The following SYT1 variants were observed in gnomAD, a reference collection of about 807,000 sequenced individuals.
SYT1 encodes the protein synaptotagmin 1.
In SYT1, 8 loss-of-function variants were observed where a neutral mutation model predicts 44.8. The ratio of observed to expected loss-of-function variants is 0.18; its 90% CI spans 0.10 to 0.32. The LOEUF is 0.32. Among genes scored for constraint, SYT1 ranks in the 10% least tolerant of loss-of-function variants. The pLI is 1.00. For missense variants in SYT1, 286 were observed against 509.3 expected, an observed-to-expected ratio of 0.56 and a Z score of 4.22; for synonymous variants, 154 against 188.8, an observed-to-expected ratio of 0.82 and a Z score of 1.51.
intron 4 of SYT1, among the ~76,000 whole-genome samples, chr12:79,268,788 A>G (rs551443561): frequency 7.1e-4 from 108 of 152,340 alleles, no homozygotes; most frequent in African/African-American, 2.5e-3. Context: ...CTACAAGGAA[A>G]CATCTTTTCA....
chr12:79,001,974 G>T (rs1307674104), intron 2 of SYT1, among the ~76,000 whole-genome samples: 1 of 151,646 alleles, frequency 6.6e-6, no homozygotes, highest in Non-Finnish European at 1.5e-5. Context: ...TTTTGCTTTT[G>T]GTGATTTCAG....
chr12:79,063,292 G>A lies in SYT1; in HGVS notation c.-18+15930G>A, dbSNP rs2137854378. On this transcript the variant is annotated intron_variant, in intron 3 of 10. Transcript: ENST00000261205. ...TTCTATTTTATCAGGGGAGAAGGCA[G>A]CTGGAGAACTTGTCTGTTGATGCCC... Among the ~76,000 whole-genome samples the A allele has an allele frequency of 2.6e-5, 4 of 152,274 alleles. No individual in the cohort carries two copies. In the South Asian group the frequency reaches 8.3e-4, roughly 32 times the overall value.
At chr12:79,296,672 G>A (rs1257794426) in intron 7 of SYT1, among the ~76,000 whole-genome samples, 1 of 152,022 alleles carries the variant, frequency 6.6e-6, no homozygotes, top group Non-Finnish European at 1.5e-5. Context: ...TGTGTAGAGG[G>A]CAATTTGAGC....
At chr12:79,009,307 T>G (rs1871279134) in intron 2 of SYT1, among the ~76,000 whole-genome samples, 1 of 152,176 alleles carries the variant, frequency 6.6e-6, no homozygotes, top group African/African-American at 2.4e-5. Context: ...GGTTTTTGTT[T>G]GTTTGTTTTG....
chr12:78,881,498 A>G (rs1874453775), intron 1 of SYT1, among the ~76,000 whole-genome samples: 2 of 151,768 alleles, frequency 1.3e-5, no homozygotes, highest in Admixed American at 1.3e-4. Flanking sequence ...TGTCTGGCAC[A>G]TAACAGACAT....
At chr12:79,026,667 T>TTATTTATATATA (rs1555190336) in intron 2 of SYT1, among the ~76,000 whole-genome samples, 1 of 102,280 alleles carries the variant, frequency 9.8e-6, no homozygotes, top group African/African-American at 3.8e-5. Flanking sequence ...CATATATATT[T>TTATTTATATATA]TATATATATA....
In SYT1 at chr12:79,413,130, A is replaced by G. The variant is rs528802873; in HGVS notation, c.929-30943A>G. ...ACATAAAAGGAGAGGTTATCCTTCC[A>G]TTTCAAGAGGCAGTCAATGAAGTTG... On this transcript the variant is annotated intron_variant, in intron 9 of 10. Coordinates refer to ENST00000261205, the MANE Select transcript of SYT1 (RefSeq NM_005639.3). 6.6e-5 allele frequency among the ~76,000 whole-genome samples: 10 copies of G among 152,324 alleles called. No individual in the cohort carries two copies. In the South Asian group the frequency reaches 1.9e-3, roughly 28 times the overall value.
chr12:79,001,026 G>A lies in SYT1; in HGVS notation c.-84+23095G>A, dbSNP rs116855983. On this transcript the variant is annotated intron_variant, in intron 2 of 10. Transcript: ENST00000261205. ...CTTTCCAAGAATTCTGAAAGTTTAC[G>A]TTTCTAATGTGATTGCCCATGGAAT... 3.9e-3 allele frequency among the ~76,000 whole-genome samples: 587 copies of A among 152,224 alleles called. 2 individuals are homozygous for A. The highest frequency in any genetic ancestry group is 6.6e-3 in the Non-Finnish European group (447 of 68,012).
At chr12:79,099,280 CA>C (rs1292316103) in intron 3 of SYT1, among the ~76,000 whole-genome samples, 8 of 152,156 alleles carry the variant, frequency 5.3e-5, no homozygotes, top group Non-Finnish European at 1.2e-4. Context: ...TGTATTAATT[CA>C]AAAAATCCAT....
chr12:79,343,879 G>C (rs1251729075), intron 8 of SYT1, among the ~76,000 whole-genome samples: 1 of 152,164 alleles, frequency 6.6e-6, no homozygotes, highest in Non-Finnish European at 1.5e-5. Context: ...GATAACTAAA[G>C]AAGAGAGGGA....
At chr12:78,914,335 T>C (rs146999112) in intron 1 of SYT1, among the ~76,000 whole-genome samples, 102 of 152,028 alleles carry the variant, frequency 6.7e-4, no homozygotes, top group African/African-American at 2.4e-3. Context: ...TAACTGGGAC[T>C]AGAAACACAA....
intron 3 of SYT1, among the ~76,000 whole-genome samples, chr12:79,077,098 A>T (rs1876709609): frequency 6.6e-6 from 1 of 152,100 alleles, no homozygotes; most frequent in East Asian, 1.9e-4. Flanking sequence ...CTGTTGCATT[A>T]ACCACCATGA....
chr12:78,998,597 T>A (rs1005727553), intron 2 of SYT1, among the ~76,000 whole-genome samples: 4 of 152,180 alleles, frequency 2.6e-5, no homozygotes, highest in East Asian at 3.9e-4. Context: ...GTTTGAGAAA[T>A]CTTGGGAAGA....
intron 2 of SYT1, among the ~76,000 whole-genome samples, chr12:79,043,601 T>C (rs567744759): frequency 0.038 from 5,764 of 151,622 alleles, 171 homozygotes; most frequent in Non-Finnish European, 0.058. Flanking sequence ...CTGTGTCTTT[T>C]AATTGGAGCA....
At chr12:79,368,505 G>C (rs1194358382) in intron 9 of SYT1, among the ~76,000 whole-genome samples, 5 of 150,126 alleles carry the variant, frequency 3.3e-5, no homozygotes, top group African/African-American at 1.2e-4. Flanking sequence ...CTAGTTTACA[G>C]TCCCACCAAC....
At chr12:78,928,131 G>T (rs1462937580) in intron 1 of SYT1, among the ~76,000 whole-genome samples, 1 of 152,028 alleles carries the variant, frequency 6.6e-6, no homozygotes, top group Non-Finnish European at 1.5e-5. Flanking sequence ...TTTCCTTCTT[G>T]GCTGACTTCG....
At chr12:79,374,518 C>A (rs573038924) in intron 9 of SYT1, among the ~76,000 whole-genome samples, 5 of 152,156 alleles carry the variant, frequency 3.3e-5, no homozygotes, top group African/African-American at 1.2e-4. Context: ...GTAATTTCTT[C>A]ATAATTTTCA....
intron 2 of SYT1, among the ~76,000 whole-genome samples, chr12:79,026,667 T>TTTTTATATATA (rs1298013189): frequency 9.8e-6 from 1 of 102,280 alleles, no homozygotes; most frequent in Non-Finnish European, 2.0e-5. Flanking sequence ...CATATATATT[T>TTTTTATATATA]TATATATATA....
At chr12:79,224,747 AT>A (rs367969269) in intron 4 of SYT1, among the ~76,000 whole-genome samples, 1 of 13,902 alleles carries the variant, frequency 7.2e-5, no homozygotes, top group Non-Finnish European at 1.5e-4. Flanking sequence ...TTATTTATTT[AT>A]TTTTTATTAT....
Sources: allele counts gnomAD v4.1 joint callset (sites outside exome capture counted in the v4.1 genomes callset), GRCh38; gene constraint gnomAD v4.1.1; transcripts MANE v1.5; gene names NCBI Gene and HGNC (gene_info 2026-07-23, HGNC 2026-07-21).